INTS8: variants seen among roughly 807,000 people sequenced by gnomAD.
The protein encoded by INTS8 is protein kaonashi-1.
INTS8 carries 47 observed loss-of-function variants against 138.9 expected under a neutral mutation model. The observed-to-expected ratio is 0.34, with a 90% confidence interval of 0.27 to 0.43. The LOEUF (loss-of-function observed/expected upper bound fraction) is 0.43, where lower values mean the gene tolerates loss of function less well. Among genes scored for constraint, INTS8 ranks in the 20% least tolerant of loss-of-function variants. INTS8 has a pLI of 1.00. For missense variants in INTS8, 996 were observed against 1,173.0 expected, an observed-to-expected ratio of 0.85 and a Z score of 2.20; for synonymous variants, 392 against 400.9, an observed-to-expected ratio of 0.98 and a Z score of 0.27.
intron 20 of INTS8, among the ~76,000 whole-genome samples, chr8:94,869,104 T>C (rs1387557167): frequency 3.3e-5 from 5 of 151,390 alleles, no homozygotes; most frequent in African/African-American, 1.2e-4. Flanking sequence ...TGCCTCAGGC[T>C]CCCGAGTACC....
chr8:94,854,196 A>AC (rs1815660042), intron 14 of INTS8, among the ~76,000 whole-genome samples: 1 of 150,352 alleles, frequency 6.7e-6, no homozygotes, highest in Non-Finnish European at 1.5e-5. Context: ...ACAGAGTGAT[A>AC]GTCCATCTCG....
At chr8:94,861,292 C>T (rs113631259) in intron 16 of INTS8, among the ~76,000 whole-genome samples, 64,367 of 92,330 alleles carry the variant, frequency 0.7, 22,465 homozygotes, top group Middle Eastern at 0.86. Flanking sequence ...GACGGAGTCT[C>T]GCTCTGTCGC....
rs144137335 is a variant in INTS8, at chr8:94,844,820, T to C, written c.1260+2332T>C. Among the ~76,000 whole-genome samples the C allele has an allele frequency of 3.9e-3, 597 of 151,412 alleles. 3 individuals are homozygous for C. The highest frequency in any genetic ancestry group is 0.014 in the African/African-American group (583 of 41,174). ...CCAGTTGGAGTGCAGTGCTGTGATC[T>C]CAGTTCACTGTAACCTCCACCTCCT... On this transcript the variant is annotated intron_variant, in intron 10 of 26. Coordinates refer to ENST00000523731, the MANE Select transcript of INTS8 (RefSeq NM_017864.4).
chr8:94,859,821 T>G lies in INTS8; in HGVS notation c.2076+189T>G, dbSNP rs2131047492. On this transcript the variant is annotated intron_variant, in intron 16 of 26. Transcript: ENST00000523731. The stretch of plus-strand genomic sequence containing the variant: ...TTGACCTTGTTCTAATATTTCTTTC[T>G]AATGCCCTGTAATTCATGAGCATGT... The G allele has an allele frequency of 7.7e-6, 4 of 519,958 alleles. No homozygotes were observed. The East Asian group carries it at 1.3e-4, about 17-fold the overall frequency. 32.2% of individuals were successfully genotyped at this position (519,958 alleles called of 1,614,324 possible).
In INTS8 at chr8:94,823,292, T is replaced by G; in HGVS notation, c.-140T>G. ...AGCTCCGGCTGGCCCGCGCCGCCATTTTGGATTGTGTGAGTTTCCGGGACG... is the reference window on the plus strand; with the variant it reads ...AGCTCCGGCTGGCCCGCGCCGCCATGTTGGATTGTGTGAGTTTCCGGGACG... On this transcript the variant is annotated 5_prime_UTR_variant, in exon 1 of 27. It adds an upstream start codon to the 5' untranslated region. Transcript: ENST00000523731. The G allele has an allele frequency of 4.0e-6, 6 of 1,508,084 alleles. No homozygotes were observed. The highest frequency in any genetic ancestry group is 2.7e-6 in the Non-Finnish European group (3 of 1,126,640). 93.4% of individuals were successfully genotyped at this position (1,508,084 alleles called of 1,614,324 possible). A position where few individuals can be genotyped will look rare whatever the true frequency, so the allele number is the denominator to read the frequency against.
chr8:94,873,543 T>C (rs898000094), intron 22 of INTS8, 66 bp downstream of exon 22: 30 of 968,838 alleles, frequency 3.1e-5, no homozygotes, highest in African/African-American at 2.7e-4. Context: ...GGGTCCCCTT[T>C]TGGCTGAACT....
chr8:94,824,792 C>G (rs1030859699), intron 1 of INTS8, 101 bp from the exon 2 acceptor site: 2 of 86,734 alleles, frequency 2.3e-5, no homozygotes, highest in African/African-American at 4.5e-5. Context: ...ACTCCCCCCC[C>G]CCCCACCCAC....
chr8:94,832,198 C>G (rs190757765), intron 6 of INTS8, 24 bp downstream of exon 6: 1 of 1,585,474 alleles, frequency 6.3e-7, no homozygotes, highest in Non-Finnish European at 8.6e-7. Flanking sequence ...ACTTAATTTA[C>G]GTAGGGCAAT....
chr8:94,867,355 T>TATACC lies in INTS8; in HGVS notation c.2414+18_2414+19insATACC, dbSNP rs767258865. 11 of 1,570,906 alleles carry TATACC rather than the reference T, an allele frequency of 7.0e-6. No homozygotes were observed. Reference sequence around the variant, plus strand: ...ATTCCCAAGTAAGTAGTGGTATAGCTTTTATTTTATTAATTGAGTTATGTA... The same window carrying TATACC: ...ATTCCCAAGTAAGTAGTGGTATAGCTATACCTTTATTTTATTAATTGAGTTATGTA... On this transcript the variant is annotated intron_variant, in intron 20 of 26. Transcript: ENST00000523731.
intron 2 of INTS8, among the ~76,000 whole-genome samples, chr8:94,825,397 A>C (rs1255450680): frequency 2.0e-5 from 3 of 151,464 alleles, no homozygotes; most frequent in Non-Finnish European, 2.9e-5. Flanking sequence ...GCGCTACTGC[A>C]CTCCAGCCTG....
chr8:94,829,076 G>A (rs372525973), intron 5 of INTS8, 50 bp downstream of exon 5: 9 of 1,369,642 alleles, frequency 6.6e-6, no homozygotes, highest in Non-Finnish European at 9.3e-6. Context: ...CAACTTTAGA[G>A]CAGCAGTTCC....
At chr8:94,833,146 A>G (rs1219994591) in intron 6 of INTS8, among the ~76,000 whole-genome samples, 1 of 152,062 alleles carries the variant, frequency 6.6e-6, no homozygotes. Context: ...TGTACCTTCT[A>G]AACTGTATTG....
intron 25 of INTS8, 28 bp downstream of exon 25, chr8:94,876,313 T>C: frequency 6.5e-7 from 1 of 1,550,354 alleles, no homozygotes. Flanking sequence ...TGTGTGATGT[T>C]AGAATGATCC....
At position 94,855,066 on chromosome 8, in the gene INTS8, A is replaced by G. The variant is rs563377157; in HGVS notation, c.1752+1151A>G. Among the ~76,000 whole-genome samples the G allele has an allele frequency of 2.0e-5, 3 of 152,258 alleles. No homozygotes were observed. The South Asian group carries it at 6.2e-4, about 32-fold the overall frequency. On this transcript the variant is annotated intron_variant, in intron 14 of 26. Coordinates refer to ENST00000523731, the MANE Select transcript of INTS8 (RefSeq NM_017864.4). ...TGGCTGGAACTTGCTGGAAATAAAA[A>G]TTTTGGGGCCCTGTCCTAGACCTAA...
Position 94,874,603 on chromosome 8 carries a change from G to T in INTS8, c.2688+1G>T. On this transcript the variant is annotated splice_donor_variant, in intron 23 of 26. Transcript: ENST00000523731. LOFTEE classifies it high-confidence loss of function. ...TTCTTTGCTGAATTGCCACACACAG[G>T]TTAGTTTATAATATTATGAAGTTGT... 1 of 1,551,812 alleles carries T rather than the reference G, an allele frequency of 6.4e-7. No homozygotes were observed.
At chr8:94,852,357 G>A (rs2131034292) in intron 13 of INTS8, among the ~76,000 whole-genome samples, 1 of 152,174 alleles carries the variant, frequency 6.6e-6, no homozygotes, top group Middle Eastern at 3.4e-3. Flanking sequence ...AAAACTCCCA[G>A]CTAATACATT....
chr8:94,844,169 G>A (rs1315360151), intron 10 of INTS8, among the ~76,000 whole-genome samples: 4 of 151,976 alleles, frequency 2.6e-5, no homozygotes, highest in African/African-American at 9.7e-5. Flanking sequence ...CTCCTGAGTA[G>A]CTAGGACTAC....
At chr8:94,869,764 T>C (rs1252309450) in intron 20 of INTS8, among the ~76,000 whole-genome samples, 5 of 152,170 alleles carry the variant, frequency 3.3e-5, no homozygotes, top group Non-Finnish European at 5.9e-5. Flanking sequence ...GTGCTGGGAT[T>C]ACAGGCATGA....
rs547980944 is a variant in INTS8, at chr8:94,831,003, G to A, written c.571-989G>A. Among the ~76,000 whole-genome samples, 769 of 152,212 alleles carry A rather than the reference G, an allele frequency of 5.1e-3. 3 individuals are homozygous for A. Among genetic ancestry groups the A allele is most frequent in the South Asian group, 8.7e-3 (42 of 4,828 alleles). On this transcript the variant is annotated intron_variant, in intron 5 of 26. Transcript: ENST00000523731. ...AGTAGAGATGGGGTTTCACCATGTT[G>A]GTCAGGCTGGTCTTGAACTCCTGAC...
Sources: allele counts gnomAD v4.1 joint callset (sites outside exome capture counted in the v4.1 genomes callset), GRCh38; gene constraint gnomAD v4.1.1; transcripts MANE v1.5; gene names NCBI Gene and HGNC (gene_info 2026-07-23, HGNC 2026-07-21).